RAMP1: variants seen among roughly 807,000 people sequenced by gnomAD.
RAMP1 encodes receptor activity-modifying protein 1.
A neutral mutation model predicts 8.2 loss-of-function variants in RAMP1; 7 were observed. The ratio of observed to expected loss-of-function variants is 0.85; its 90% CI spans 0.49 to 1.60. The LOEUF (loss-of-function observed/expected upper bound fraction) is 1.60. Among genes scored for constraint, RAMP1 ranks in the 40% most tolerant of loss-of-function variants. The probability of loss-of-function intolerance (pLI) is 0.00; values close to 1 mark genes in which losing one functional copy is unlikely to be tolerated. For missense variants in RAMP1, 192 were observed against 202.4 expected (o/e 0.95, Z 0.31); for synonymous variants, 92 against 84.7 (o/e 1.09, Z -0.47).
chr2:237,885,191 A>G (rs1042249171), intron 2 of RAMP1, among the ~76,000 whole-genome samples: 3 of 152,178 alleles, frequency 2.0e-5, no homozygotes, highest in Admixed American at 2.0e-4. Context: ...TGTATTTTGA[A>G]TTTCAGCAGG....
chr2:237,911,372 G>A (rs111717031), intron 2 of RAMP1, among the ~76,000 whole-genome samples, 156 bp from the exon 3 acceptor site: 3,436 of 152,332 alleles, frequency 0.023, 46 homozygotes, highest in Middle Eastern at 0.058. Flanking sequence ...TCGGGCCCCT[G>A]CCCTCCTGGA....
intron 2 of RAMP1, among the ~76,000 whole-genome samples, chr2:237,897,422 TGTG>T (rs2062552447): frequency 6.6e-6 from 1 of 152,214 alleles, no homozygotes; most frequent in Non-Finnish European, 1.5e-5. Context: ...CAGGAGGAAT[TGTG>T]GCCTCCTCCA....
intron 2 of RAMP1, among the ~76,000 whole-genome samples, chr2:237,897,195 G>A (rs1022864868): frequency 1.3e-5 from 2 of 152,342 alleles, no homozygotes; most frequent in Non-Finnish European, 2.9e-5. Flanking sequence ...CCCAGGAATG[G>A]GAGAACCAGC....
intron 1 of RAMP1, among the ~76,000 whole-genome samples, chr2:237,870,722 G>A (rs937379512): frequency 2.6e-5 from 4 of 152,220 alleles, no homozygotes; most frequent in Admixed American, 2.0e-4. Flanking sequence ...CTGGGGAGGA[G>A]GATGGAGGGT....
chr2:237,875,567 G>A (rs1576538953), intron 1 of RAMP1, among the ~76,000 whole-genome samples: 1 of 152,166 alleles, frequency 6.6e-6, no homozygotes, highest in Admixed American at 6.5e-5. Context: ...CCTCCGTGGG[G>A]CTTTTTCCAA....
At chr2:237,867,481 T>C (rs1462168637) in intron 1 of RAMP1, among the ~76,000 whole-genome samples, 1 of 150,154 alleles carries the variant, frequency 6.7e-6, no homozygotes, top group Non-Finnish European at 1.5e-5. Context: ...TTATTGTATT[T>C]TTGTGGGGGT....
rs2062536691 is a variant in RAMP1, at chr2:237,895,785, C to T, written c.192-15743C>T. On this transcript the variant is annotated intron_variant, in intron 2 of 2. Transcript: ENST00000254661. Reference sequence around the variant, plus strand: ...AGGAAGGCAGAGCCCGTCCAGCCTCCAGGCCAGCGTTGCTTCACAAGGACA... The same window carrying T: ...AGGAAGGCAGAGCCCGTCCAGCCTCTAGGCCAGCGTTGCTTCACAAGGACA... Among the ~76,000 whole-genome samples the T allele has an allele frequency of 2.6e-5, 4 of 152,164 alleles. No homozygotes were observed. In the South Asian group the frequency reaches 8.3e-4, roughly 32 times the overall value.
At chr2:237,867,366 G>T (rs914531234) in intron 1 of RAMP1, among the ~76,000 whole-genome samples, 5 of 151,874 alleles carry the variant, frequency 3.3e-5, no homozygotes, top group African/African-American at 4.8e-5. Flanking sequence ...GGCGGCAGCG[G>T]CAGAAGAAAA....
At chr2:237,875,542 GTC>G (rs1385361531) in intron 1 of RAMP1, among the ~76,000 whole-genome samples, 1 of 152,166 alleles carries the variant, frequency 6.6e-6, no homozygotes, top group Non-Finnish European at 1.5e-5. Flanking sequence ...TTGCTAGCAG[GTC>G]CTGTCCTGAG....
intron 1 of RAMP1, 155 bp downstream of exon 1, chr2:237,859,882 G>A: frequency 1.4e-6 from 1 of 709,220 alleles, no homozygotes; most frequent in East Asian, 3.6e-5. Flanking sequence ...GGGCCGCCCC[G>A]GTTCCAGGCG....
At chr2:237,882,277 C>T (rs973059065) in intron 2 of RAMP1, among the ~76,000 whole-genome samples, 5 of 152,232 alleles carry the variant, frequency 3.3e-5, no homozygotes, top group African/African-American at 9.6e-5. Flanking sequence ...TTGATCTATT[C>T]TCCAGAACTA....
intron 1 of RAMP1, among the ~76,000 whole-genome samples, chr2:237,864,083 A>T (rs1162974762): frequency 6.6e-6 from 1 of 152,076 alleles, no homozygotes; most frequent in African/African-American, 2.4e-5. Context: ...GCTCCGGGGA[A>T]GCAGCTCCTG....
rs957940590 is a variant in RAMP1, at chr2:237,862,988, A to G, written c.52+3261A>G. The stretch of plus-strand genomic sequence containing the variant: ...CCTTTTGAGCCCCTAGATCGAGCTC[A>G]TGGGGTACACATTTCCATCATGTGA... On this transcript the variant is annotated intron_variant, in intron 1 of 2. Coordinates refer to ENST00000254661, the MANE Select transcript of RAMP1 (RefSeq NM_005855.4). This position sits in a 1 kb window ranked among gnomAD's most constrained non-coding sequence, Gnocchi z 4.0. Among the ~76,000 whole-genome samples, 11 of 152,186 alleles carry G rather than the reference A, an allele frequency of 7.2e-5. No homozygotes were observed. The highest frequency in any genetic ancestry group is 7.2e-4 in the Admixed American group (11 of 15,286).
intron 1 of RAMP1, among the ~76,000 whole-genome samples, chr2:237,874,407 G>A (rs920568218): frequency 6.6e-6 from 1 of 152,210 alleles, no homozygotes; most frequent in Admixed American, 6.5e-5. Context: ...TCTGCAGGGC[G>A]GTTGTGCAGA....
rs1352733748 is a variant in RAMP1, at chr2:237,869,192, T to C, written c.53-8032T>C. On this transcript the variant is annotated intron_variant, in intron 1 of 2. Transcript: ENST00000254661. ...TTCACGCAGGGGAGAGGATGGGGAATTCCATATGTGACCCTGCCAGTCACA... is the reference window on the plus strand; with the variant it reads ...TTCACGCAGGGGAGAGGATGGGGAACTCCATATGTGACCCTGCCAGTCACA... Among the ~76,000 whole-genome samples, 3 of 152,168 alleles carry C rather than the reference T, an allele frequency of 2.0e-5. No individual in the cohort carries two copies. The East Asian group carries it at 5.8e-4, about 30-fold the overall frequency.
In RAMP1 at chr2:237,865,619, A is replaced by G. The variant is rs2062179726; in HGVS notation, c.52+5892A>G. Among the ~76,000 whole-genome samples the G allele has an allele frequency of 6.6e-6, 1 of 152,124 alleles. No homozygotes were observed. On this transcript the variant is annotated intron_variant, in intron 1 of 2. Coordinates refer to ENST00000254661, the MANE Select transcript of RAMP1 (RefSeq NM_005855.4). The surrounding 1 kb of genome is among the most constrained non-coding windows in gnomAD (Gnocchi z 4.2). ...CCCTTGGATTCTGAGGGGTGATGGT[A>G]CGTAGACAGGAGTCTATGCAAATCA...
At chr2:237,909,307 A>T (rs1244648832) in intron 2 of RAMP1, among the ~76,000 whole-genome samples, 1 of 152,122 alleles carries the variant, frequency 6.6e-6, no homozygotes, top group Non-Finnish European at 1.5e-5. Context: ...CTACAAAACA[A>T]TGGGTAACAG....
chr2:237,881,244 T>G (rs768293869), intron 2 of RAMP1, among the ~76,000 whole-genome samples: 3 of 152,152 alleles, frequency 2.0e-5, no homozygotes, highest in African/African-American at 4.8e-5. Context: ...AGAGGGAGCC[T>G]CCTCCTTCAT....
At chr2:237,879,690 T>TA (rs201233396) in intron 2 of RAMP1, among the ~76,000 whole-genome samples, 52,909 of 131,702 alleles carry the variant, frequency 0.4, 11,755 homozygotes, top group African/African-American at 0.63. Context: ...CTTAAAGTAT[T>TA]AAAAAAAAAA....
Sources: gnomAD v4.1 joint callset for allele counts (sites outside exome capture counted in the v4.1 genomes callset) on GRCh38, gnomAD v4.1.1 for gene constraint, Gnocchi (gnomAD v3.1) non-coding constraint, MANE v1.5 for transcripts, NCBI Gene and HGNC (gene_info 2026-07-23, HGNC 2026-07-21) for gene names.